Variants in NTRK2 observed in about 807,000 individuals in gnomAD.
The protein encoded by NTRK2 is BDNF/NT-3 growth factors receptor.
NTRK2 carries 13 observed loss-of-function variants against 94.5 expected under a neutral mutation model. The observed-to-expected ratio is 0.14, with a 90% CI of 0.09 to 0.22. The LOEUF is 0.22. Ranked by LOEUF, NTRK2 falls within the 10% of genes least tolerant of loss-of-function variation. The pLI, the probability that NTRK2 is intolerant of heterozygous loss-of-function variation, is 1.00. For synonymous variants in NTRK2, 372 were observed against 407.4 expected (o/e 0.91, Z 1.05); for missense variants, 639 against 1,071.2 (o/e 0.60, Z 5.63).
At position 84,681,239 on chromosome 9, in the gene NTRK2, C is replaced by T. The variant is rs149312362; in HGVS notation, c.212+10279C>T. Among the ~76,000 whole-genome samples the T allele has an allele frequency of 2.6e-3, 392 of 152,242 alleles. 3 individuals are homozygous for T. The highest frequency in any genetic ancestry group is 8.3e-3 in the African/African-American group (343 of 41,532). On this transcript the variant is annotated intron_variant, in intron 2 of 18. Transcript: ENST00000277120. ...GTGTGTCACACTTCTTATTTCTAAACAAAATTTTTCATTGTTGCCCCAAAC... is the reference window on the plus strand; with the variant it reads ...GTGTGTCACACTTCTTATTTCTAAATAAAATTTTTCATTGTTGCCCCAAAC...
intron 2 of NTRK2, among the ~76,000 whole-genome samples, chr9:84,689,777 A>G (rs551500363): frequency 2.6e-5 from 4 of 152,068 alleles, no homozygotes; most frequent in East Asian, 1.9e-4. Context: ...TCAAACCATG[A>G]CCCCCCATAA....
chr9:85,016,299 G>A (rs1016048263), intron 17 of NTRK2, among the ~76,000 whole-genome samples: 1 of 152,148 alleles, frequency 6.6e-6, no homozygotes, highest in Non-Finnish European at 1.5e-5. Flanking sequence ...TTGGGTTGAG[G>A]AAAATAAAAA....
intron 12 of NTRK2, among the ~76,000 whole-genome samples, chr9:84,853,239 A>T (rs2131904079): frequency 6.6e-6 from 1 of 152,338 alleles, no homozygotes; most frequent in Admixed American, 6.5e-5. Context: ...GAACTTGAAT[A>T]GGCCTCAGAT....
rs543847319 is a variant in NTRK2 at position 84,769,337 on chromosome 9, T to C, written c.1396+17252T>C. Among the ~76,000 whole-genome samples the C allele has an allele frequency of 5.0e-4, 76 of 152,322 alleles. 2 individuals carry two copies. In the South Asian group the frequency reaches 0.015, roughly 30 times the overall value. ...AGTACATTAGTTAATCCTAAAATCTTATGACCCAATCTACCTACCCAATTG... is the reference window on the plus strand; with the variant it reads ...AGTACATTAGTTAATCCTAAAATCTCATGACCCAATCTACCTACCCAATTG... On this transcript the variant is annotated intron_variant, in intron 12 of 18. Coordinates refer to ENST00000277120, the MANE Select transcript of NTRK2 (RefSeq NM_006180.6).
chr9:84,923,509 T>C (rs1255645534), intron 14 of NTRK2, among the ~76,000 whole-genome samples: 1 of 152,198 alleles, frequency 6.6e-6, no homozygotes, highest in African/African-American at 2.4e-5. Context: ...GAATAACCAC[T>C]GGTGTGATTT....
At chr9:84,742,076 A>T (rs1214475994) in intron 10 of NTRK2, 149 bp downstream of exon 10, 1 of 715,772 alleles carries the variant, frequency 1.4e-6, no homozygotes, top group Non-Finnish European at 2.4e-6. Context: ...AAAATCATTC[A>T]ATATTGATGG....
At chr9:84,714,794 ATT>A (rs563768141) in intron 6 of NTRK2, among the ~76,000 whole-genome samples, 103 of 152,308 alleles carry the variant, frequency 6.8e-4, no homozygotes, top group African/African-American at 2.4e-3. Context: ...TAAGTCACAG[ATT>A]TGAAGTTCAT....
At chr9:85,019,426 C>G (rs1324530303) in intron 17 of NTRK2, among the ~76,000 whole-genome samples, 1 of 152,214 alleles carries the variant, frequency 6.6e-6, no homozygotes, top group African/African-American at 2.4e-5. Flanking sequence ...AGCTTCCTAA[C>G]TTTCCTCCAT....
rs151234982 is a variant in NTRK2 at position 84,726,858 on chromosome 9, C to G, written c.854-796C>G. Among the ~76,000 whole-genome samples the G allele has an allele frequency of 4.6e-3, 704 of 152,256 alleles. 4 individuals carry two copies. Among genetic ancestry groups the G allele is most frequent in the Middle Eastern group, 6.8e-3 (2 of 292 alleles). Reference sequence around the variant, plus strand: ...GAACAGATGAAGCATTTTAAATACCCTCACTTAGGATAAGTACTCTGTTTA... The same window carrying G: ...GAACAGATGAAGCATTTTAAATACCGTCACTTAGGATAAGTACTCTGTTTA... On this transcript the variant is annotated intron_variant, in intron 8 of 18. Transcript: ENST00000277120.
intron 17 of NTRK2, among the ~76,000 whole-genome samples, chr9:84,986,963 G>A (rs1828391515): frequency 6.6e-6 from 1 of 152,212 alleles, no homozygotes; most frequent in Admixed American, 6.5e-5. Flanking sequence ...AAACACAGGT[G>A]ATTTCACGAG....
At chr9:84,720,943 A>T (rs563244689) in intron 6 of NTRK2, among the ~76,000 whole-genome samples, 3 of 152,310 alleles carry the variant, frequency 2.0e-5, no homozygotes, top group Admixed American at 1.3e-4. Flanking sequence ...ATAGGAAAGG[A>T]TTAGAGAATT....
At chr9:84,927,309 A>G (rs1360137860) in intron 14 of NTRK2, among the ~76,000 whole-genome samples, 1 of 152,164 alleles carries the variant, frequency 6.6e-6, no homozygotes, top group East Asian at 1.9e-4. Context: ...AGTTATTATT[A>G]CAGTTTTTGT....
intron 2 of NTRK2, among the ~76,000 whole-genome samples, chr9:84,674,120 T>TTA (rs2058877751): frequency 6.6e-6 from 1 of 150,382 alleles, no homozygotes; most frequent in Admixed American, 6.6e-5. Context: ...TTAGCTGTGG[T>TTA]AAAAAAAAAA....
intron 16 of NTRK2, among the ~76,000 whole-genome samples, chr9:84,949,222 T>C (rs2078696081): frequency 6.6e-6 from 1 of 152,084 alleles, no homozygotes; most frequent in Non-Finnish European, 1.5e-5. Context: ...GAAGAAAAGC[T>C]TCAGAAGGAA....
At chr9:84,980,076 C>T (rs112451081) in intron 17 of NTRK2, among the ~76,000 whole-genome samples, 21 of 152,280 alleles carry the variant, frequency 1.4e-4, no homozygotes, top group Admixed American at 3.3e-4. Flanking sequence ...TGGTATGGAA[C>T]GGACCCTGCA....
chr9:84,708,550 T>G (rs1027326694), intron 5 of NTRK2, among the ~76,000 whole-genome samples: 1 of 152,214 alleles, frequency 6.6e-6, no homozygotes, highest in Non-Finnish European at 1.5e-5. Flanking sequence ...CCTTGCATTG[T>G]CCCCATTAAA....
chr9:84,906,919 T>C (rs1398780172), intron 14 of NTRK2, among the ~76,000 whole-genome samples: 1 of 152,214 alleles, frequency 6.6e-6, no homozygotes, highest in African/African-American at 2.4e-5. Flanking sequence ...TTACTTTTGC[T>C]TTTTGTTAAA....
intron 12 of NTRK2, among the ~76,000 whole-genome samples, chr9:84,804,101 T>A (rs1365083466): frequency 6.6e-6 from 1 of 152,112 alleles, no homozygotes; most frequent in Non-Finnish European, 1.5e-5. Context: ...GAAAAAGTGT[T>A]GCTTCATGAC....
chr9:84,698,962 A>G (rs745370026), intron 2 of NTRK2, among the ~76,000 whole-genome samples: 3 of 151,856 alleles, frequency 2.0e-5, no homozygotes, highest in Admixed American at 6.6e-5. Flanking sequence ...TAGCATCTAT[A>G]TTGTGGACAT....
Sources: allele counts gnomAD v4.1 joint callset (sites outside exome capture counted in the v4.1 genomes callset), GRCh38; gene constraint gnomAD v4.1.1; transcripts MANE v1.5; gene names NCBI Gene and HGNC (gene_info 2026-07-23, HGNC 2026-07-21).